Variants in COL6A3 observed in about 807,000 individuals in gnomAD.
The protein encoded by COL6A3 is collagen alpha-3(VI) chain.
COL6A3 carries 137 observed loss-of-function variants against 274.1 expected under a neutral mutation model. The observed-to-expected ratio is 0.50, with a 90% CI of 0.44 to 0.58. COL6A3 has a LOEUF of 0.58. COL6A3 is among the 20% of genes least tolerant of loss of function. The pLI is 0.00. For synonymous variants in COL6A3, 1,650 were observed against 1,650.6 expected (o/e 1.00, Z 0.01); for missense variants, 3,950 against 4,124.9 (o/e 0.96, Z 1.16).
chr2:237,392,817 C>T (rs116852676), intron 3 of COL6A3, among the ~76,000 whole-genome samples: 1,847 of 152,322 alleles, frequency 0.012, 66 homozygotes, highest in Admixed American at 0.059. Context: ...TTTGTGAGCA[C>T]CACCCTCTCT....
rs746644417 is a variant in COL6A3 at position 237,357,360 on chromosome 2, C to A, written c.6569G>T (p.Gly2190Val). The change falls in exon 23 of 44, where the codon GGA becomes GTA. Residue 2190 changes from glycine to valine, a missense_variant. Coordinates refer to ENST00000295550, the MANE Select transcript of COL6A3 (RefSeq NM_004369.4). Reference protein sequence around the residue: ...GVPGRDGVPGGPGETGKNGGF... With the variant: ...GVPGRDGVPGVPGETGKNGGF... ...CACATTCTTCCCAGTTTCTCCAGGTCCTCCAGGTACTCCATCTCTCCCTGG... is the reference window on the plus strand; with the variant it reads ...CACATTCTTCCCAGTTTCTCCAGGTACTCCAGGTACTCCATCTCTCCCTGG... The A allele has an allele frequency of 1.2e-6, 2 of 1,614,062 alleles. No individual in the cohort carries two copies. The highest frequency in any genetic ancestry group is 1.7e-6 in the Non-Finnish European group (2 of 1,179,900).
In COL6A3 at chr2:237,325,708, C is replaced by T. The variant is rs748814297; in HGVS notation, c.9345G>A (p.Pro3115=). 1.9e-5 allele frequency: 31 copies of T among 1,613,774 alleles called. No homozygotes were observed. Among genetic ancestry groups the T allele is most frequent in the Middle Eastern group, 1.6e-4 (1 of 6,062 alleles). Residue 3115 remains proline (P), a synonymous_variant, in exon 43 of 44, where the codon CCG becomes CCA. Transcript: ENST00000295550. ...ALTETDICKL[P]KDEGTCRDFI... The stretch of plus-strand genomic sequence containing the variant: ...AATCCCTGCAAGTTCCTTCGTCTTT[C>T]GGCAACTTGCATATATCTTTAATAA...
intron 25 of COL6A3, among the ~76,000 whole-genome samples, chr2:237,352,803 A>T (rs1462502139): frequency 2.0e-5 from 3 of 152,268 alleles, no homozygotes; most frequent in African/African-American, 7.2e-5. Context: ...AGCAACAAGC[A>T]TTCAGACAAA....
intron 32 of COL6A3, 98 bp downstream of exon 32, chr2:237,346,405 A>AT: frequency 2.9e-6 from 3 of 1,036,340 alleles, no homozygotes; most frequent in Non-Finnish European, 4.6e-6. Context: ...AAGAGAGCAC[A>AT]TTTTCTTGTG....
At position 237,352,564 on chromosome 2, in the gene COL6A3, A is replaced by G; in HGVS notation, c.6711T>C (p.Gly2237=). The change falls in exon 26 of 44, where the codon GGT becomes GGC. Residue 2237 remains glycine, a synonymous_variant. Transcript: ENST00000295550. ...CTTGTTCTCCTATCAGCCCTGGAGG[A>G]CCAGCAGGACCAGCTGGGCCCTGAG... The part of the protein sequence containing the change: ...RGAQGPAGPA[G]PPGLIGEQGI... 1 of 1,613,598 alleles carries G rather than the reference A, an allele frequency of 6.2e-7. No individual in the cohort carries two copies. Among genetic ancestry groups the G allele is most frequent in the Non-Finnish European group, 8.5e-7 (1 of 1,179,836 alleles).
Position 237,411,318 on chromosome 2 carries a change from T to C in COL6A3, c.-31+2635A>G, listed in dbSNP as rs1375529691. On this transcript the variant is annotated intron_variant, in intron 1 of 43. Coordinates refer to ENST00000295550, the MANE Select transcript of COL6A3 (RefSeq NM_004369.4). ...AGTGTCACGCAATAGTATTCACGAC[T>C]TGCCGGTGAATTTTAAGTCCTAAAC... is the stretch of plus-strand genomic sequence containing the variant. Among the ~76,000 whole-genome samples, 16 of 152,360 alleles carry C rather than the reference T, an allele frequency of 1.1e-4. No individual in the cohort carries two copies. The East Asian group carries it at 3.1e-3, about 29-fold the overall frequency.
intron 6 of COL6A3, 49 bp from the exon 7 acceptor site, chr2:237,377,393 G>C: frequency 6.4e-7 from 1 of 1,564,594 alleles, no homozygotes; most frequent in Non-Finnish European, 8.7e-7. Context: ...AGCATAACAG[G>C]AACCAAAGCG....
At chr2:237,338,376 T>G (rs1265002748) in intron 39 of COL6A3, among the ~76,000 whole-genome samples, 2 of 152,160 alleles carry the variant, frequency 1.3e-5, no homozygotes, top group East Asian at 3.9e-4. Context: ...GACAAGCAGC[T>G]GACCACAAAC....
Position 237,388,188 on chromosome 2 carries a change from T to TAA in COL6A3, c.710-6_710-5dup, listed in dbSNP as rs1432389515. On this transcript the variant is annotated splice_region_variant and splice_polypyrimidine_tract_variant and intron_variant, in intron 3 of 43. Coordinates refer to ENST00000295550, the MANE Select transcript of COL6A3 (RefSeq NM_004369.4). ...ATAATGTCAGCAGAGTCTTGTGCTT[T>TAA]AAAAGAAAGAAATGCAAAAAATGTG... 1.9e-6 allele frequency: 3 copies of TAA among 1,613,868 alleles called. No individual in the cohort carries two copies.
At chr2:237,375,149 T>C in intron 7 of COL6A3, 129 bp from the exon 8 acceptor site, 1 of 1,373,584 alleles carries the variant, frequency 7.3e-7, no homozygotes, top group Non-Finnish European at 1.0e-6. Context: ...AAAAGGACTT[T>C]GCAGATGTGA....
At chr2:237,392,061 G>C (rs577453172) in intron 3 of COL6A3, among the ~76,000 whole-genome samples, 2 of 152,112 alleles carry the variant, frequency 1.3e-5, no homozygotes, top group Non-Finnish European at 2.9e-5. Context: ...TTGGAAGCAG[G>C]GAACACTTTG....
chr2:237,377,145 G>T lies in COL6A3; in HGVS notation c.2697C>A (p.Ile899=). The change falls in exon 7 of 44, where the codon ATC becomes ATA. Residue 899 remains isoleucine (I), a synonymous_variant. Transcript: ENST00000295550. Reference sequence around the variant, plus strand: ...TCTTCATTCTCTTCACAAGATTCAGGATCTCAGGCTTACTCTGGTGCTCAT... The same window carrying T: ...TCTTCATTCTCTTCACAAGATTCAGTATCTCAGGCTTACTCTGGTGCTCAT... ...RFDEHQSKPE[I]LNLVKRMKIK... 6.2e-7 allele frequency: 1 copy of T among 1,614,182 alleles called. No homozygotes were observed.
Position 237,367,097 on chromosome 2 carries a change from G to A in COL6A3, c.5090C>T (p.Ser1697Phe). Reference sequence around the variant, plus strand: ...GGCGTCAATAATCTGCCTCTTGGTAGAGAAGTCCTTCAGGAAGAATTCGTC... The same window carrying A: ...GGCGTCAATAATCTGCCTCTTGGTAAAGAAGTCCTTCAGGAAGAATTCGTC... The part of the protein sequence containing the change: ...PTDEFFLKDF[S>F]TKRQIIDAIN... Residue 1697 changes from serine to phenylalanine, a missense_variant, in exon 11 of 44, where the codon TCT becomes TTT. By Grantham distance (155) the Ser-to-Phe change is radical. Coordinates refer to ENST00000295550, the MANE Select transcript of COL6A3 (RefSeq NM_004369.4). 1 of 1,614,216 alleles carries A rather than the reference G, an allele frequency of 6.2e-7. No homozygotes were observed. Among genetic ancestry groups the A allele is most frequent in the Non-Finnish European group, 8.5e-7 (1 of 1,180,036 alleles).
intron 42 of COL6A3, chr2:237,330,123 GT>G (rs1280655442): frequency 6.6e-6 from 1 of 151,966 alleles, no homozygotes; most frequent in African/African-American, 2.4e-5. Context: ...TTAGATTTTT[GT>G]TGTTGTTGTT....
chr2:237,372,311 A>G lies in COL6A3; in HGVS notation c.3706T>C (p.Phe1236Leu), dbSNP rs200615239. The G allele has an allele frequency of 1.9e-6, 3 of 1,609,408 alleles. No homozygotes were observed. Among genetic ancestry groups the G allele is most frequent in the Non-Finnish European group, 2.5e-6 (3 of 1,180,008 alleles). The change falls in exon 9 of 44, where the codon TTT becomes CTT. Residue 1236 changes from phenylalanine to leucine, a missense_variant. Coordinates refer to ENST00000295550, the MANE Select transcript of COL6A3 (RefSeq NM_004369.4). ...PGVGGKRDVVFLIDGSQSAGP... is the reference protein window; with the variant it reads ...PGVGGKRDVVLLIDGSQSAGP... ...GCACTTTGGGACCCATCGATGAGAA[A>G]GACCACGTCCCTCTTGCCACCAACA...
intron 8 of COL6A3, among the ~76,000 whole-genome samples, chr2:237,373,689 C>T (rs575365087): frequency 2.6e-5 from 4 of 151,852 alleles, no homozygotes; most frequent in African/African-American, 9.7e-5. Context: ...CATCTGCCTC[C>T]TTCGCCACTG....
intron 3 of COL6A3, among the ~76,000 whole-genome samples, chr2:237,394,065 T>C (rs1443533445): frequency 6.6e-6 from 1 of 152,138 alleles, no homozygotes; most frequent in Non-Finnish European, 1.5e-5. Flanking sequence ...CTAGACTGGA[T>C]CATAGCTGAG....
intron 30 of COL6A3, among the ~76,000 whole-genome samples, chr2:237,348,081 G>T (rs1043811283): frequency 2.0e-5 from 3 of 152,236 alleles, no homozygotes; most frequent in South Asian, 2.1e-4. Context: ...ATACTATCAT[G>T]TAGGTTATAG....
Position 237,341,124 on chromosome 2 carries a change from C to T in COL6A3, c.7792G>A (p.Gly2598Arg). 1.2e-6 allele frequency: 2 copies of T among 1,614,216 alleles called. No homozygotes were observed. Among genetic ancestry groups the T allele is most frequent in the Non-Finnish European group, 1.7e-6 (2 of 1,180,036 alleles). Residue 2598 changes from glycine to arginine, a missense_variant, in exon 38 of 44, where the codon GGA becomes AGA. Physicochemically the swap from Gly to Arg is moderately radical, Grantham distance 125. This residue lies in a region of COL6A3 where 1,284 missense variants were observed against 1,349.7 expected (regional missense o/e 0.95). Coordinates refer to ENST00000295550, the MANE Select transcript of COL6A3 (RefSeq NM_004369.4). ...LDICNIDPSCGFGSWRPSFRD... is the reference protein window; with the variant it reads ...LDICNIDPSCRFGSWRPSFRD... ...AAGGAAGGCCTCCAACTGCCAAATC[C>T]ACAGGATGGGTCGATGTTGCAGATG...
Sources: gnomAD v4.1 joint callset for allele counts (sites outside exome capture counted in the v4.1 genomes callset) on GRCh38, gnomAD v4.1.1 for gene constraint, gnomAD v4.1.1 regional missense constraint, MANE v1.5 for transcripts, NCBI Gene and HGNC (gene_info 2026-07-23, HGNC 2026-07-21) for gene names.